Variants in TRAPPC10 observed in about 807,000 individuals in gnomAD.
TRAPPC10 encodes TRAPP 130 kDa subunit.
A neutral mutation model predicts 125.5 loss-of-function variants in TRAPPC10; 23 were observed. The observed-to-expected ratio is 0.18, with a 90% CI of 0.13 to 0.26. The LOEUF (loss-of-function observed/expected upper bound fraction) is 0.26. Ranked by LOEUF, TRAPPC10 falls within the 10% of genes least tolerant of loss-of-function variation. The pLI is 1.00. For missense variants in TRAPPC10, 1,123 were observed against 1,308.4 expected (o/e 0.86, Z 2.19); for synonymous variants, 509 against 518.0 (o/e 0.98, Z 0.24).
intron 9 of TRAPPC10, among the ~76,000 whole-genome samples, chr21:44,075,641 A>G (rs1300524370): frequency 6.6e-6 from 1 of 152,158 alleles, no homozygotes; most frequent in African/African-American, 2.4e-5. Context: ...GTGTGCTACC[A>G]TACTTGGCTA....
In TRAPPC10 at chr21:44,082,254, T is replaced by G. The variant is rs1263038034; in HGVS notation, c.1724-534T>G. Among the ~76,000 whole-genome samples the G allele has an allele frequency of 2.6e-5, 4 of 152,146 alleles. No individual in the cohort carries two copies. Among genetic ancestry groups the G allele is most frequent in the Admixed American group, 6.5e-5 (1 of 15,276 alleles). On this transcript the variant is annotated intron_variant, in intron 13 of 22. Coordinates refer to ENST00000291574, the MANE Select transcript of TRAPPC10 (RefSeq NM_003274.5). The surrounding 1 kb of genome is among the most constrained non-coding windows in gnomAD (Gnocchi z 4.4). ...GAAGGGCCCAGAGAGAGCATTAGGC[T>G]CTCATTCCAGCAGCAACTGTAGACC... is the stretch of plus-strand genomic sequence containing the variant.
intron 1 of TRAPPC10, among the ~76,000 whole-genome samples, chr21:44,017,011 T>G (rs2031944283): frequency 6.6e-6 from 1 of 152,208 alleles, no homozygotes; most frequent in African/African-American, 2.4e-5. Context: ...GAAAATGTGG[T>G]GCTTGCGATT....
intron 11 of TRAPPC10, 86 bp from the exon 12 acceptor site, chr21:44,079,478 A>T: frequency 6.8e-7 from 1 of 1,475,978 alleles, no homozygotes; most frequent in South Asian, 1.4e-5. Context: ...GGTCTGGAGG[A>T]TGGAGGCCAA....
At chr21:44,078,791 T>C (rs1201259256) in intron 11 of TRAPPC10, among the ~76,000 whole-genome samples, 1 of 152,156 alleles carries the variant, frequency 6.6e-6, no homozygotes, top group Non-Finnish European at 1.5e-5. Context: ...TAATTTGCAT[T>C]TTAAAGGCAG....
At chr21:44,022,474 T>G (rs1327821427) in intron 1 of TRAPPC10, among the ~76,000 whole-genome samples, 1 of 143,408 alleles carries the variant, frequency 7.0e-6, no homozygotes, top group African/African-American at 2.6e-5. Flanking sequence ...TTTTTTTTTT[T>G]TACAAAGACG....
intron 14 of TRAPPC10, 33 bp from the exon 15 acceptor site, chr21:44,084,089 C>T (rs1417853949): frequency 5.0e-6 from 8 of 1,612,292 alleles, no homozygotes; most frequent in African/African-American, 2.7e-5. Context: ...AACTGGGTGA[C>T]GTGGTTTCAA....
chr21:44,036,991 C>T (rs2034031611), intron 2 of TRAPPC10, among the ~76,000 whole-genome samples: 1 of 152,076 alleles, frequency 6.6e-6, no homozygotes, highest in Non-Finnish European at 1.5e-5. Context: ...AAACTAGAGC[C>T]GGCAAGTAGA....
At chr21:44,077,575 ACT>A (rs1341391008) in intron 10 of TRAPPC10, 116 bp from the exon 11 acceptor site, 3 of 726,980 alleles carry the variant, frequency 4.1e-6, no homozygotes, top group South Asian at 2.0e-5. Flanking sequence ...ATGGAGCAAG[ACT>A]CTGTCTCAAA....
intron 3 of TRAPPC10, among the ~76,000 whole-genome samples, chr21:44,048,245 A>C (rs2034991112): frequency 6.6e-6 from 1 of 152,038 alleles, no homozygotes; most frequent in South Asian, 2.1e-4. Flanking sequence ...CAGTCCTAGG[A>C]AGTCTAGCTG....
chr21:44,014,133 A>G (rs1195577266), intron 1 of TRAPPC10, among the ~76,000 whole-genome samples: 1 of 152,242 alleles, frequency 6.6e-6, no homozygotes, highest in Non-Finnish European at 1.5e-5. Context: ...TTACATTTCA[A>G]TAGCAATATG....
chr21:44,039,813 G>A (rs1380091363), intron 3 of TRAPPC10, among the ~76,000 whole-genome samples: 3 of 152,186 alleles, frequency 2.0e-5, no homozygotes, highest in Non-Finnish European at 4.4e-5. Flanking sequence ...GCAGTGAGCC[G>A]AGATCGTGCT....
At chr21:44,038,044 G>C in intron 3 of TRAPPC10, 117 bp downstream of exon 3, 1 of 1,394,014 alleles carries the variant, frequency 7.2e-7, no homozygotes, top group Non-Finnish European at 9.8e-7. Flanking sequence ...TTGGAGATGC[G>C]TGGAGAGTGC....
chr21:44,064,466 T>C (rs1042222417), intron 7 of TRAPPC10, among the ~76,000 whole-genome samples: 1 of 152,194 alleles, frequency 6.6e-6, no homozygotes, highest in African/African-American at 2.4e-5. Context: ...CCGTATCTAG[T>C]CTGGTGATTC....
chr21:44,049,256 A>AT (rs1439683201), intron 3 of TRAPPC10, among the ~76,000 whole-genome samples: 5 of 152,164 alleles, frequency 3.3e-5, no homozygotes, highest in African/African-American at 4.8e-5. Context: ...ACACGAGCCC[A>AT]TTTCAGTCCA....
chr21:44,048,383 T>C (rs1348004774), intron 3 of TRAPPC10, among the ~76,000 whole-genome samples: 4 of 152,142 alleles, frequency 2.6e-5, no homozygotes, highest in Admixed American at 1.3e-4. Flanking sequence ...GTTTCCCATC[T>C]CTGAGTGTTG....
At chr21:44,020,901 G>A (rs150732701) in intron 1 of TRAPPC10, among the ~76,000 whole-genome samples, 27 of 152,236 alleles carry the variant, frequency 1.8e-4, no homozygotes, top group Non-Finnish European at 2.5e-4. Flanking sequence ...AGCACAGCTC[G>A]GACCAATATT....
At chr21:44,092,077 A>T (rs1045956085) in intron 19 of TRAPPC10, 28 bp downstream of exon 19, 44 of 1,610,862 alleles carry the variant, frequency 2.7e-5, no homozygotes, top group Non-Finnish European at 3.6e-5. Context: ...CTGAGCATAA[A>T]CTTCTCAACA....
intron 3 of TRAPPC10, among the ~76,000 whole-genome samples, chr21:44,038,607 T>C (rs1373062526): frequency 6.6e-6 from 1 of 152,188 alleles, no homozygotes; most frequent in Non-Finnish European, 1.5e-5. Flanking sequence ...CTTTTCGTTC[T>C]TGACACACTT....
At position 44,052,425 on chromosome 21, in the gene TRAPPC10, C is replaced by T. The variant is rs757224643; in HGVS notation, c.431C>T (p.Thr144Ile). 2 of 1,612,308 alleles carry T rather than the reference C, an allele frequency of 1.2e-6. No homozygotes were observed. The highest frequency in any genetic ancestry group is 1.3e-5 in the African/African-American group (1 of 74,828). The change falls in exon 4 of 23, where the codon ACC (threonine) becomes ATC (isoleucine). Residue 144 changes from threonine to isoleucine, a missense_variant. Thr to Ile is a moderately conservative substitution (Grantham distance 89). Coordinates refer to ENST00000291574, the MANE Select transcript of TRAPPC10 (RefSeq NM_003274.5). ...KKNKTNILPR[T>I]SIVDKIRNDF... ...AACAAAACCAACATCCTTCCCCGAA[C>T]CTCTATTGTGGACAAAATAAGAAAT...
Sources: allele counts gnomAD v4.1 joint callset (sites outside exome capture counted in the v4.1 genomes callset), GRCh38; gene constraint gnomAD v4.1.1; non-coding constraint Gnocchi (gnomAD v3.1); transcripts MANE v1.5; gene names NCBI Gene and HGNC (gene_info 2026-07-23, HGNC 2026-07-21).